Variants in ZNF814 observed in about 807,000 individuals in gnomAD.
ZNF814 encodes zinc finger protein 814.
Under a neutral mutation model 7.5 loss-of-function variants are expected in ZNF814, and 5 were observed. The ratio of observed to expected loss-of-function variants is 0.67; its 90% CI spans 0.35 to 1.40. The LOEUF (loss-of-function observed/expected upper bound fraction) is 1.40. Ranked by LOEUF, ZNF814 falls within the 40% of genes most tolerant of loss-of-function variation. The probability of loss-of-function intolerance (pLI) is 0.04; values close to 1 mark genes in which losing one functional copy is unlikely to be tolerated. For missense variants in ZNF814, 962 were observed against 1,018.0 expected (o/e 0.94, Z 0.75); for synonymous variants, 315 against 340.7 (o/e 0.92, Z 0.83).
chr19:57,877,312 A>T (rs1314655502), intron 1 of ZNF814, among the ~76,000 whole-genome samples: 1 of 152,174 alleles, frequency 6.6e-6, no homozygotes, highest in Non-Finnish European at 1.5e-5. Flanking sequence ...TGGCACCTTC[A>T]GCACAGCAGA....
the ZNF814 span, among the ~76,000 whole-genome samples, chr19:57,896,783 A>G: frequency 1.3e-5 from 2 of 152,242 alleles, no homozygotes; most frequent in African/African-American, 4.8e-5. This position sits in a 1 kb window ranked among gnomAD's most constrained non-coding sequence, Gnocchi z 4.2. Context: ...TTGATAAAAT[A>G]TGACTGGGAT....
At chr19:57,878,195 A>G (rs2071622992) in intron 1 of ZNF814, among the ~76,000 whole-genome samples, 1 of 150,800 alleles carries the variant, frequency 6.6e-6, no homozygotes, top group Non-Finnish European at 1.5e-5. Context: ...AAAATCAAAT[A>G]TATTAACAGC....
upstream of ZNF814, among the ~76,000 whole-genome samples, chr19:57,892,441 A>G (rs1600142426): frequency 1.3e-5 from 2 of 152,354 alleles, no homozygotes; most frequent in Admixed American, 6.5e-5. Context: ...ACTTTGGTTC[A>G]ATGCCCAAAT....
the ZNF814 span, among the ~76,000 whole-genome samples, chr19:57,903,085 T>TAGAGCCAG: frequency 6.6e-6 from 1 of 152,182 alleles, no homozygotes; most frequent in Non-Finnish European, 1.5e-5. Flanking sequence ...TCTTGTTAAT[T>TAGAGCCAG]AGAGCCAGAG....
rs929828316 is a variant in ZNF814, at chr19:57,870,709, C to A, written c.*2113G>T. 6.6e-6 allele frequency: 1 copy of A among 152,138 alleles called. No individual in the cohort carries two copies. Among genetic ancestry groups the A allele is most frequent in the Non-Finnish European group, 1.5e-5 (1 of 68,036 alleles). 9.4% of individuals were successfully genotyped at this position (152,138 alleles called of 1,614,324 possible). ...TTTAAAAGACATGCATTACGCTGCA[C>A]GTGGTGGCTCACCTGTAATCCCAGG... On this transcript the variant is annotated 3_prime_UTR_variant, in exon 3 of 3. Transcript: ENST00000435989.
the ZNF814 span, among the ~76,000 whole-genome samples, chr19:57,902,869 C>T: frequency 1.3e-4 from 20 of 151,774 alleles, no homozygotes; most frequent in African/African-American, 3.6e-4. Flanking sequence ...TTAGTAGAGA[C>T]GGAGTTTCAC....
chr19:57,902,970 C>G, the ZNF814 span, among the ~76,000 whole-genome samples: 1 of 152,096 alleles, frequency 6.6e-6, no homozygotes, highest in Non-Finnish European at 1.5e-5. Context: ...TGAGCCACCC[C>G]GCCAGGCCGG....
the ZNF814 span, among the ~76,000 whole-genome samples, chr19:57,903,491 C>T: frequency 6.6e-6 from 1 of 152,138 alleles, no homozygotes; most frequent in Non-Finnish European, 1.5e-5. Flanking sequence ...CGTTACTCCT[C>T]ATAGTTAGAA....
At chr19:57,889,087 C>G, upstream of ZNF814, 1 of 500,816 alleles carries the variant, frequency 2.0e-6, no homozygotes, top group Non-Finnish European at 3.6e-6. Flanking sequence ...CACGTGCACA[C>G]AGGAAACGCC....
intron 1 of ZNF814, among the ~76,000 whole-genome samples, chr19:57,880,189 C>G (rs2071640777): frequency 7.6e-6 from 1 of 130,896 alleles, no homozygotes. Flanking sequence ...TCTAGCTGCT[C>G]CTTTACCAAA....
In ZNF814 at chr19:57,874,598, G is replaced by T; in HGVS notation, c.792C>A (p.His264Gln). The T allele has an allele frequency of 6.4e-7, 1 of 1,551,994 alleles. No individual in the cohort carries two copies. The highest frequency in any genetic ancestry group is 1.2e-5 in the South Asian group (1 of 84,128). Residue 264 changes from histidine (H) to glutamine (Q), a missense_variant, in exon 3 of 3, where the codon CAC (histidine) becomes CAA (glutamine). Physicochemically the swap from His to Gln is conservative, Grantham distance 24. This residue lies in a region of ZNF814 where 126 missense variants were observed against 123.5 expected (regional missense o/e 1.02). Coordinates refer to ENST00000435989, the MANE Select transcript of ZNF814 (RefSeq NM_001144989.2). ...YASLSNHQRV[H>Q]TEKKHECGEC... ...CTCCACATTCATGTTTTTTTTCAGT[G>T]TGAACTCTCTGATGATTACTCAAGC... is the stretch of plus-strand genomic sequence containing the variant.
At chr19:57,891,419 G>C (rs1252954335), upstream of ZNF814, among the ~76,000 whole-genome samples, 1 of 151,774 alleles carries the variant, frequency 6.6e-6, no homozygotes, top group African/African-American at 2.4e-5. Context: ...CAGCTACTTG[G>C]GAGGCTGAGG....
upstream of ZNF814, among the ~76,000 whole-genome samples, chr19:57,890,856 T>G (rs2071731014): frequency 6.6e-6 from 1 of 152,184 alleles, no homozygotes; most frequent in Non-Finnish European, 1.5e-5. Flanking sequence ...TAACCCCATC[T>G]GCAACCTCTT....
chr19:57,883,518 G>A (rs11879290), intron 1 of ZNF814, among the ~76,000 whole-genome samples: 10,152 of 150,612 alleles, frequency 0.067, 1,081 homozygotes, highest in African/African-American at 0.23. Context: ...AAAATTAGCC[G>A]GATGTGGTAG....
intron 1 of ZNF814, among the ~76,000 whole-genome samples, chr19:57,877,810 A>C (rs989346759): frequency 6.6e-6 from 1 of 152,064 alleles, no homozygotes; most frequent in Non-Finnish European, 1.5e-5. Context: ...CTAGGGCTAT[A>C]ATGTTGGTAA....
chr19:57,903,594 T>C, the ZNF814 span, among the ~76,000 whole-genome samples: 1 of 152,222 alleles, frequency 6.6e-6, no homozygotes, highest in African/African-American at 2.4e-5. Flanking sequence ...GAGCAGGTTT[T>C]TGAAGCCTCT....
rs931501189 is a variant in ZNF814 at position 57,869,504 on chromosome 19, G to T, written c.*3318C>A. The T allele has an allele frequency of 6.6e-6, 1 of 152,032 alleles. No homozygotes were observed. Among genetic ancestry groups the T allele is most frequent in the Non-Finnish European group, 1.5e-5 (1 of 68,022 alleles). The allele number at this position is 152,032 out of a possible 1,614,324, so 9.4% of individuals were successfully genotyped here. A position where few individuals can be genotyped will look rare whatever the true frequency, so the allele number is the denominator to read the frequency against. On this transcript the variant is annotated 3_prime_UTR_variant, in exon 3 of 3. Transcript: ENST00000435989. ...ACAGAAAGAAAGCCTTTATAAAAAGGTTCCAAGTAAATATAAAGGTGTTAA... is the reference window on the plus strand; with the variant it reads ...ACAGAAAGAAAGCCTTTATAAAAAGTTTCCAAGTAAATATAAAGGTGTTAA...
chr19:57,873,631 A>T lies in ZNF814; in HGVS notation c.1759T>A (p.Ser587Thr), dbSNP rs753565387. The change falls in exon 3 of 3, where the codon TCA (serine) becomes ACA (threonine). Residue 587 changes from serine (S) to threonine (T), a missense_variant. Around this residue, in one of 7 missense-constraint regions of ZNF814, gnomAD observed 665 missense variants for 551.4 expected, o/e 1.21. Coordinates refer to ENST00000435989, the MANE Select transcript of ZNF814 (RefSeq NM_001144989.2). ...TGATGGCTCCTAAGGTGCCCGATTG[A>T]ACTAAAAGATTTCCCACATTCTCCA... The part of the protein sequence containing the change: ...GCGECGKSFS[S>T]IGHLRSHQRV... 6.2e-7 allele frequency: 1 copy of T among 1,611,664 alleles called. No individual in the cohort carries two copies. Among genetic ancestry groups the T allele is most frequent in the Admixed American group, 1.7e-5 (1 of 59,784 alleles).
In ZNF814 at chr19:57,873,155, T is replaced by A. The variant is rs759999296; in HGVS notation, c.2235A>T (p.Glu745Asp). 5 of 1,613,448 alleles carry A rather than the reference T, an allele frequency of 3.1e-6. No homozygotes were observed. Among genetic ancestry groups the A allele is most frequent in the Admixed American group, 1.7e-5 (1 of 59,896 alleles). The part of the protein sequence containing the change: ...QRVHTGERPY[E>D]CNDCGKSFTH... ...TAAATGATTTTCCACAATCATTGCA[T>A]TCATAAGGCCTTTCTCCAGTGTGAA... is the stretch of plus-strand genomic sequence containing the variant. Residue 745 changes from glutamate (E) to aspartate (D), a missense_variant, in exon 3 of 3, where the codon GAA becomes GAT. By Grantham distance (45) the Glu-to-Asp change is conservative. Transcript: ENST00000435989.
Sources: gnomAD v4.1 joint callset for allele counts (sites outside exome capture counted in the v4.1 genomes callset) on GRCh38, gnomAD v4.1.1 for gene constraint, gnomAD v4.1.1 regional missense constraint, Gnocchi (gnomAD v3.1) non-coding constraint, MANE v1.5 for transcripts, NCBI Gene and HGNC (gene_info 2026-07-23, HGNC 2026-07-21) for gene names.